The following SAMD4A variants were observed in gnomAD, a reference collection of about 807,000 sequenced individuals.
SAMD4A encodes sterile alpha motif domain containing 4A.
In SAMD4A, 33 loss-of-function variants were observed where a neutral mutation model predicts 81.3. That is an observed-to-expected ratio of 0.41 (90% confidence interval 0.31 to 0.54). The LOEUF (loss-of-function observed/expected upper bound fraction) is 0.54. SAMD4A is among the 20% of genes least tolerant of loss of function. The probability of loss-of-function intolerance (pLI) is 0.37; values close to 1 mark genes in which losing one functional copy is unlikely to be tolerated. For missense variants in SAMD4A, 854 were observed against 951.1 expected, an observed-to-expected ratio of 0.90 and a Z score of 1.34; for synonymous variants, 389 against 382.1, an observed-to-expected ratio of 1.02 and a Z score of -0.21.
chr14:54,727,183 T>G (rs1333065608), intron 3 of SAMD4A, among the ~76,000 whole-genome samples: 1 of 71,886 alleles, frequency 1.4e-5, no homozygotes, highest in African/African-American at 9.2e-5. Context: ...TTTTTTTTTT[T>G]TTTTTTTTTT....
At chr14:54,671,673 A>C (rs1264249213) in intron 2 of SAMD4A, among the ~76,000 whole-genome samples, 1 of 152,246 alleles carries the variant, frequency 6.6e-6, no homozygotes, top group Non-Finnish European at 1.5e-5. Context: ...TCAGTCTTCC[A>C]GAATTCTGTA....
intron 2 of SAMD4A, among the ~76,000 whole-genome samples, chr14:54,669,738 T>C (rs1450054353): frequency 6.6e-6 from 1 of 152,230 alleles, no homozygotes; most frequent in African/African-American, 2.4e-5. Flanking sequence ...GAAAAGTCTG[T>C]CTTAAACATA....
intron 2 of SAMD4A, among the ~76,000 whole-genome samples, chr14:54,587,212 G>A (rs1187592): frequency 0.054 from 8,189 of 152,112 alleles, 303 homozygotes; most frequent in Non-Finnish European, 0.076. Flanking sequence ...TTGAGTTCTC[G>A]ATTTGATTCT....
intron 3 of SAMD4A, among the ~76,000 whole-genome samples, chr14:54,736,352 C>A (rs954709506): frequency 6.6e-6 from 1 of 152,190 alleles, no homozygotes; most frequent in Admixed American, 6.5e-5. Context: ...TTGGCATTAA[C>A]CTGTGAGGCT....
chr14:54,690,495 T>C (rs1462591378), intron 2 of SAMD4A, among the ~76,000 whole-genome samples: 2 of 152,080 alleles, frequency 1.3e-5, no homozygotes, highest in Admixed American at 1.3e-4. Flanking sequence ...CTTTAGAAGA[T>C]GGATTCTACT....
chr14:54,660,737 C>G (rs890545269), intron 2 of SAMD4A, among the ~76,000 whole-genome samples: 8 of 152,140 alleles, frequency 5.3e-5, no homozygotes, highest in African/African-American at 1.9e-4. Context: ...AACAGCAGCC[C>G]CCTTGAACCA....
At chr14:54,620,970 G>A (rs1258042998) in intron 2 of SAMD4A, among the ~76,000 whole-genome samples, 1 of 152,024 alleles carries the variant, frequency 6.6e-6, no homozygotes, top group Non-Finnish European at 1.5e-5. Context: ...TTGTCTTGCT[G>A]TGTTGCTTGG....
At chr14:54,668,429 T>C (rs924578089) in intron 2 of SAMD4A, among the ~76,000 whole-genome samples, 1 of 152,176 alleles carries the variant, frequency 6.6e-6, no homozygotes, top group Non-Finnish European at 1.5e-5. Context: ...ATTTTCTATT[T>C]GTCAAGATCC....
At chr14:54,630,906 ATATGTGTGTGTGTG>A (rs2034882774) in intron 2 of SAMD4A, among the ~76,000 whole-genome samples, 1 of 65,482 alleles carries the variant, frequency 1.5e-5, no homozygotes, top group Non-Finnish European at 3.2e-5. Flanking sequence ...CTTGTATTTT[ATATGTGTGTGTGTG>A]TGTGTGTGTG....
chr14:54,790,575 T>C lies in SAMD4A; in HGVS notation c.*1631T>C, dbSNP rs1334869946. On this transcript the variant is annotated 3_prime_UTR_variant, in exon 13 of 13. Transcript: ENST00000554335. ...AATCAAAGAGGAGTTGTGTGGAAAA[T>C]CAGGTTGTGTAAATGAAGGTATGAA... 6.6e-6 allele frequency: 1 copy of C among 151,892 alleles called. No individual in the cohort carries two copies. The highest frequency in any genetic ancestry group is 6.6e-5 in the Admixed American group (1 of 15,232). The allele number at this position is 151,892 out of a possible 1,614,324, so 9.4% of individuals were successfully genotyped here.
intron 7 of SAMD4A, among the ~76,000 whole-genome samples, chr14:54,763,579 A>G (rs1270807959): frequency 6.6e-6 from 1 of 152,178 alleles, no homozygotes; most frequent in Non-Finnish European, 1.5e-5. Flanking sequence ...AATAAATGGG[A>G]TTGTGTGACC....
At chr14:54,775,399 C>T (rs1438568439) in intron 10 of SAMD4A, among the ~76,000 whole-genome samples, 1 of 152,208 alleles carries the variant, frequency 6.6e-6, no homozygotes, top group Non-Finnish European at 1.5e-5. Context: ...AAATGCAAGA[C>T]CTATTTCTTC....
intron 6 of SAMD4A, among the ~76,000 whole-genome samples, chr14:54,754,292 G>A (rs1257304825): frequency 6.6e-6 from 1 of 152,196 alleles, no homozygotes; most frequent in Non-Finnish European, 1.5e-5. Context: ...CACTGGAATG[G>A]GAAAGTTAAA....
chr14:54,677,477 T>C (rs1202824490), intron 2 of SAMD4A, among the ~76,000 whole-genome samples: 2 of 152,234 alleles, frequency 1.3e-5, no homozygotes, highest in Non-Finnish European at 2.9e-5. Flanking sequence ...AATGTACGCC[T>C]GGTTAATGGA....
At chr14:54,636,880 C>T (rs2035046344) in intron 2 of SAMD4A, among the ~76,000 whole-genome samples, 2 of 152,026 alleles carry the variant, frequency 1.3e-5, no homozygotes. Context: ...ACCTCCAAGT[C>T]CCATTGTTGA....
chr14:54,597,584 C>CTTTTTT (rs71127662), intron 2 of SAMD4A, among the ~76,000 whole-genome samples: 30 of 90,874 alleles, frequency 3.3e-4, no homozygotes, highest in East Asian at 8.3e-4. Flanking sequence ...TTCCTTCTAT[C>CTTTTTT]TTTTTTTTTT....
chr14:54,695,400 C>T (rs1190070509), intron 2 of SAMD4A, among the ~76,000 whole-genome samples: 4 of 152,204 alleles, frequency 2.6e-5, no homozygotes, highest in Admixed American at 6.5e-5. Flanking sequence ...TGAACTCCTC[C>T]CCATACAGGT....
chr14:54,707,145 C>T, intron 3 of SAMD4A, among the ~76,000 whole-genome samples: 1 of 148,546 alleles, frequency 6.7e-6, no homozygotes, highest in Non-Finnish European at 1.5e-5. Context: ...GCTATGTTGC[C>T]CAGGCTGGAG....
rs115699472 is a variant in SAMD4A at position 54,689,263 on chromosome 14, C to T, written c.197-12799C>T. On this transcript the variant is annotated intron_variant, in intron 2 of 12. Coordinates refer to ENST00000554335, the MANE Select transcript of SAMD4A (RefSeq NM_015589.6). ...GTTGTATTTCTAACAATTTTCCAGGCATGCCCCTCCTCCATACTTTGTGAA... is the reference window on the plus strand; with the variant it reads ...GTTGTATTTCTAACAATTTTCCAGGTATGCCCCTCCTCCATACTTTGTGAA... Among the ~76,000 whole-genome samples, 1,142 of 152,206 alleles carry T rather than the reference C, an allele frequency of 7.5e-3. 11 individuals carry two copies. Among genetic ancestry groups the T allele is most frequent in the African/African-American group, 0.027 (1,107 of 41,544 alleles).
Sources: allele counts gnomAD v4.1 joint callset (sites outside exome capture counted in the v4.1 genomes callset), GRCh38; gene constraint gnomAD v4.1.1; transcripts MANE v1.5; gene names NCBI Gene and HGNC (gene_info 2026-07-23, HGNC 2026-07-21).